FSTL4: variants seen among roughly 807,000 people sequenced by gnomAD.
FSTL4 encodes the protein follistatin like 4, also known as follistatin-related protein 4.
A neutral mutation model predicts 78.2 loss-of-function variants in FSTL4; 28 were observed. That is an observed-to-expected ratio of 0.36 (90% CI 0.27 to 0.49). The LOEUF (loss-of-function observed/expected upper bound fraction) is 0.49, where lower values mean the gene tolerates loss of function less well. Among genes scored for constraint, FSTL4 ranks in the 20% least tolerant of loss-of-function variants. FSTL4 has a pLI of 0.98. For missense variants in FSTL4, 922 were observed against 1,084.9 expected (o/e 0.85, Z 2.11); for synonymous variants, 422 against 440.5 (o/e 0.96, Z 0.53).
At chr5:133,783,786 T>C in the FSTL4 span, among the ~76,000 whole-genome samples, 1 of 152,178 alleles carries the variant, frequency 6.6e-6, no homozygotes, top group Non-Finnish European at 1.5e-5. Context: ...TCAAGGGAAG[T>C]TACAAATCTA....
At chr5:133,205,909 C>T (rs895989277) in intron 14 of FSTL4, among the ~76,000 whole-genome samples, 12 of 152,144 alleles carry the variant, frequency 7.9e-5, no homozygotes, top group African/African-American at 1.7e-4. Context: ...GGAAATGAGT[C>T]GGAGTCAGAC....
chr5:133,683,425 T>G, the FSTL4 span, among the ~76,000 whole-genome samples: 1 of 152,082 alleles, frequency 6.6e-6, no homozygotes, highest in African/African-American at 2.4e-5. Flanking sequence ...TAATGCAAAT[T>G]TAATACACAG....
the FSTL4 span, among the ~76,000 whole-genome samples, chr5:133,765,643 G>A: frequency 1.8e-4 from 27 of 152,328 alleles, no homozygotes; most frequent in African/African-American, 6.0e-4. Flanking sequence ...TGAATGGCAG[G>A]AAGGGAGGAG....
At chr5:133,526,845 G>A (rs1343344527) in intron 3 of FSTL4, among the ~76,000 whole-genome samples, 2 of 152,296 alleles carry the variant, frequency 1.3e-5, no homozygotes, top group East Asian at 3.9e-4. Flanking sequence ...AGGAGCTGGT[G>A]AACGGGCTGA....
At chr5:133,481,665 C>T (rs1166631402) in intron 3 of FSTL4, among the ~76,000 whole-genome samples, 1 of 151,814 alleles carries the variant, frequency 6.6e-6, no homozygotes, top group Admixed American at 6.6e-5. Context: ...TGAGTGCTCA[C>T]TATGTGCCAG....
chr5:133,794,149 C>T, the FSTL4 span, among the ~76,000 whole-genome samples: 13,150 of 152,266 alleles, frequency 0.086, 648 homozygotes, highest in East Asian at 0.18. Context: ...CTGGGCTGAT[C>T]TCTGACTTGG....
At chr5:133,267,947 A>T (rs1036756445) in intron 6 of FSTL4, among the ~76,000 whole-genome samples, 1 of 152,208 alleles carries the variant, frequency 6.6e-6, no homozygotes, top group Non-Finnish European at 1.5e-5. Context: ...ATCATTGAGG[A>T]GCTGTGTCTG....
At chr5:133,632,726 C>T in the FSTL4 span, among the ~76,000 whole-genome samples, 1 of 152,068 alleles carries the variant, frequency 6.6e-6, no homozygotes. Flanking sequence ...TGCTCTGTTG[C>T]CCAGCCTGGG....
At chr5:133,785,103 A>C in the FSTL4 span, among the ~76,000 whole-genome samples, 1 of 152,040 alleles carries the variant, frequency 6.6e-6, no homozygotes, top group African/African-American at 2.4e-5. Context: ...CACACCCAAC[A>C]CCTGCTCTGC....
chr5:133,635,846 C>T, the FSTL4 span, among the ~76,000 whole-genome samples: 2 of 152,212 alleles, frequency 1.3e-5, no homozygotes, highest in African/African-American at 4.8e-5. Flanking sequence ...AATATCATCA[C>T]TCCTTTCTCT....
the FSTL4 span, among the ~76,000 whole-genome samples, chr5:133,783,525 C>T: frequency 4.6e-5 from 7 of 152,200 alleles, no homozygotes; most frequent in African/African-American, 1.4e-4. Flanking sequence ...CCTCCTGCTG[C>T]CTTCATCATA....
At chr5:133,633,150 C>T in the FSTL4 span, among the ~76,000 whole-genome samples, 1 of 152,082 alleles carries the variant, frequency 6.6e-6, no homozygotes, top group African/African-American at 2.4e-5. Flanking sequence ...TTGGAGTTTG[C>T]TAACCTCCTT....
chr5:133,512,397 A>T (rs1758753618), intron 3 of FSTL4, among the ~76,000 whole-genome samples: 1 of 152,240 alleles, frequency 6.6e-6, no homozygotes, highest in African/African-American at 2.4e-5. Context: ...GATCTTACTT[A>T]GAGGGCTTGG....
chr5:133,249,160 C>T (rs1752132861), intron 7 of FSTL4, among the ~76,000 whole-genome samples: 1 of 152,226 alleles, frequency 6.6e-6, no homozygotes, highest in Admixed American at 6.5e-5. Flanking sequence ...CGTTCAGAGG[C>T]CTCCTGTCCC....
chr5:133,640,300 A>C, the FSTL4 span, among the ~76,000 whole-genome samples: 6 of 152,234 alleles, frequency 3.9e-5, no homozygotes, highest in Admixed American at 3.3e-4. Flanking sequence ...GGGCCATCTT[A>C]GATGCCTTGG....
chr5:133,412,121 C>T (rs1756489068), intron 3 of FSTL4, among the ~76,000 whole-genome samples: 1 of 152,050 alleles, frequency 6.6e-6, no homozygotes, highest in African/African-American at 2.4e-5. Flanking sequence ...AAATTTAATG[C>T]AATCATTTTA....
the FSTL4 span, among the ~76,000 whole-genome samples, chr5:133,739,287 C>CTTT: frequency 2.1e-5 from 3 of 143,914 alleles, no homozygotes; most frequent in Non-Finnish European, 4.5e-5. Flanking sequence ...TTTTCTTTTT[C>CTTT]TTTTTTTTTT....
chr5:133,225,822 G>A lies in FSTL4; in HGVS notation c.1016-3C>T, dbSNP rs1291549649. On this transcript the variant is annotated splice_region_variant and splice_polypyrimidine_tract_variant and intron_variant, in intron 8 of 15. Coordinates refer to ENST00000265342, the MANE Select transcript of FSTL4 (RefSeq NM_015082.2). The surrounding 1 kb of genome is among the most constrained non-coding windows in gnomAD (Gnocchi z 4.6). ...ATAGACACGGATGACTGGCGGCACT[G>A]TGGGTGAGAGTCAGTGCTGGTGAGA... is the stretch of plus-strand genomic sequence containing the variant. 6.4e-7 allele frequency: 1 copy of A among 1,564,020 alleles called. No homozygotes were observed. Among genetic ancestry groups the A allele is most frequent in the Non-Finnish European group, 8.6e-7 (1 of 1,156,330 alleles).
At chr5:133,544,927 A>C (rs1349108319) in intron 3 of FSTL4, among the ~76,000 whole-genome samples, 2 of 152,208 alleles carry the variant, frequency 1.3e-5, no homozygotes, top group Non-Finnish European at 2.9e-5. Flanking sequence ...AGCTTGGTAA[A>C]TACTCTGAGC....
Sources: allele counts gnomAD v4.1 joint callset (sites outside exome capture counted in the v4.1 genomes callset), GRCh38; gene constraint gnomAD v4.1.1; non-coding constraint Gnocchi (gnomAD v3.1); transcripts MANE v1.5; gene names NCBI Gene and HGNC (gene_info 2026-07-23, HGNC 2026-07-21).